Variants in MYOM2 observed in about 807,000 individuals in gnomAD.
The protein encoded by MYOM2 is myomesin-2.
Under a neutral mutation model 187.6 loss-of-function variants are expected in MYOM2, and 254 were observed. The ratio of observed to expected loss-of-function variants is 1.35; its 90% CI spans 1.22 to 1.50. The LOEUF is 1.50. Among genes scored for constraint, MYOM2 ranks in the 40% most tolerant of loss-of-function variants. The pLI is 0.00. For synonymous variants in MYOM2, 981 were observed against 753.8 expected (o/e 1.30, Z -4.94); for missense variants, 2,796 against 1,924.0 (o/e 1.45, Z -8.48).
intron 17 of MYOM2, 73 bp downstream of exon 17, chr8:2,094,164 G>A: frequency 6.4e-7 from 1 of 1,561,756 alleles, no homozygotes; most frequent in Non-Finnish European, 8.7e-7. Flanking sequence ...AAACATTTGT[G>A]ATGCCATTTG....
At chr8:2,120,742 A>G (rs1797425019) in intron 28 of MYOM2, among the ~76,000 whole-genome samples, 1 of 118,948 alleles carries the variant, frequency 8.4e-6, no homozygotes, top group South Asian at 2.6e-4. Flanking sequence ...TGTCTCTTAA[A>G]TCAATACTGT....
chr8:2,080,922 C>T (rs1404825475), intron 13 of MYOM2, among the ~76,000 whole-genome samples: 3 of 131,806 alleles, frequency 2.3e-5, no homozygotes, highest in Non-Finnish European at 3.1e-5. Context: ...TTCTGGCCTG[C>T]GGGAGGAACA....
At chr8:2,137,126 A>G (rs1798105037) in intron 32 of MYOM2, among the ~76,000 whole-genome samples, 1 of 150,302 alleles carries the variant, frequency 6.7e-6, no homozygotes, top group Non-Finnish European at 1.5e-5. Flanking sequence ...TCGTCTATAC[A>G]TCTAGGATGC....
At chr8:2,126,445 A>T (rs1797639679) in intron 31 of MYOM2, among the ~76,000 whole-genome samples, 1 of 151,996 alleles carries the variant, frequency 6.6e-6, no homozygotes, top group African/African-American at 2.4e-5. Context: ...ACTGACACAC[A>T]CCAGTGTACC....
chr8:2,101,696 G>A lies in MYOM2; in HGVS notation c.2619+642G>A, dbSNP rs1401380960. On this transcript the variant is annotated intron_variant, in intron 20 of 36. Coordinates refer to ENST00000262113, the MANE Select transcript of MYOM2 (RefSeq NM_003970.4). ...TGTTAATTGTCTGTTCATGGGCTAT[G>A]TCTGTGTGCTTTCCAAAGGGATGGT... is the stretch of plus-strand genomic sequence containing the variant. Among the ~76,000 whole-genome samples the A allele has an allele frequency of 2.0e-5, 3 of 152,098 alleles. No homozygotes were observed. The East Asian group carries it at 5.8e-4, about 29-fold the overall frequency.
Position 2,079,579 on chromosome 8 carries a change from G to T in MYOM2, c.1482G>T (p.Glu494Asp). Residue 494 changes from glutamate (E) to aspartate (D), a missense_variant, in exon 13 of 37, where the codon GAG becomes GAT. Coordinates refer to ENST00000262113, the MANE Select transcript of MYOM2 (RefSeq NM_003970.4). ...CCGCAGCCGTTCATTTGGAGGGAGA[G>T]AAGGAGATTGCCATTTATCAGGATG... ...RRLQAVHLEG[E>D]KEIAIYQDDL... is the part of the protein sequence containing the mutation. 1.2e-6 allele frequency: 2 copies of T among 1,614,158 alleles called. No homozygotes were observed. The highest frequency in any genetic ancestry group is 4.5e-5 in the East Asian group (2 of 44,862).
chr8:2,100,281 A>T (rs183772071), intron 19 of MYOM2, among the ~76,000 whole-genome samples: 64 of 151,998 alleles, frequency 4.2e-4, no homozygotes, highest in Non-Finnish European at 5.1e-4. Context: ...AGAAGAAAAA[A>T]GTCATTCTAG....
In MYOM2 at chr8:2,109,221, C is replaced by G. The variant is rs184415608; in HGVS notation, c.3044-174C>G. ...ATGTGGCATGAGGCTTTAGAGGCAA[C>G]AACAGGCCAGCTCAAGTTTTATTTT... On this transcript the variant is annotated intron_variant, in intron 24 of 36. Transcript: ENST00000262113. 1.9e-4 allele frequency: 142 copies of G among 765,106 alleles called. No homozygotes were observed. The East Asian group carries it at 4.2e-3, about 23-fold the overall frequency. The allele number at this position is 765,106 out of a possible 1,614,324, so 47.4% of individuals were successfully genotyped here.
chr8:2,100,065 CTTCTTTCCTTCCTTTCTTCT>C (rs1796635773), intron 19 of MYOM2, among the ~76,000 whole-genome samples: 2 of 64,502 alleles, frequency 3.1e-5, no homozygotes, highest in Non-Finnish European at 3.7e-5. Context: ...TCCTTCCTTC[CTTCTTTCCTTCCTTTCTTCT>C]TTCCTTCCTT....
In MYOM2 at chr8:2,116,096, T is replaced by C. The variant is rs1370335908; in HGVS notation, c.3317T>C (p.Ile1106Thr). 3 of 1,607,212 alleles carry C rather than the reference T, an allele frequency of 1.9e-6. No individual in the cohort carries two copies. Among genetic ancestry groups the C allele is most frequent in the African/African-American group, 1.4e-5 (1 of 72,012 alleles). The change falls in exon 26 of 37, where the codon ATT (isoleucine) becomes ACT (threonine). Residue 1106 changes from isoleucine (I) to threonine (T), a missense_variant. Ile to Thr is a moderately conservative substitution (Grantham distance 89). Transcript: ENST00000262113. ...AAAAGTCAGTCTTCTCTAGTTCTTATTGGAGATGGTATGCTATATCGAATA... is the reference window on the plus strand; with the variant it reads ...AAAAGTCAGTCTTCTCTAGTTCTTACTGGAGATGGTATGCTATATCGAATA... Reference protein sequence around the residue: ...KAKSQSSLVLIGDAFKTVLEE... With the variant: ...KAKSQSSLVLTGDAFKTVLEE...
In MYOM2 at chr8:2,109,338, A is replaced by T. The variant is rs375997665; in HGVS notation, c.3044-57A>T. On this transcript the variant is annotated intron_variant, in intron 24 of 36. Coordinates refer to ENST00000262113, the MANE Select transcript of MYOM2 (RefSeq NM_003970.4). ...TGATATTTCCCTACAATTTGCAGGT[A>T]TTCTTCCTCACAAGGATTCATGCAT... The T allele has an allele frequency of 1.4e-5, 22 of 1,518,272 alleles. 1 individual carries two copies. The highest frequency in any genetic ancestry group is 7.7e-5 in the South Asian group (6 of 77,884). The allele number at this position is 1,518,272 out of a possible 1,614,324, so 94.1% of individuals were successfully genotyped here. A position where few individuals can be genotyped will look rare whatever the true frequency, so the allele number is the denominator to read the frequency against.
At chr8:2,092,649 C>T in intron 16 of MYOM2, 129 bp downstream of exon 16, 1 of 893,616 alleles carries the variant, frequency 1.1e-6, no homozygotes, top group Non-Finnish European at 1.6e-6. Flanking sequence ...GTCTTAGCCA[C>T]ACACAAGGGC....
intron 32 of MYOM2, among the ~76,000 whole-genome samples, chr8:2,130,702 A>C (rs888831550): frequency 4.6e-5 from 7 of 152,174 alleles, no homozygotes; most frequent in African/African-American, 1.7e-4. Flanking sequence ...TTCAAACTCA[A>C]ATGGAGTCAC....
Position 2,057,897 on chromosome 8 carries a change from C to T in MYOM2, c.560+117C>T, listed in dbSNP as rs140178155. The T allele has an allele frequency of 1.5e-3, 1,552 of 1,022,072 alleles. 18 individuals carry two copies. In the African/African-American group the frequency reaches 0.023, roughly 15 times the overall value. 63.3% of individuals were successfully genotyped at this position (1,022,072 alleles called of 1,614,324 possible). A position where few individuals can be genotyped will look rare whatever the true frequency, so the allele number is the denominator to read the frequency against. The stretch of plus-strand genomic sequence containing the variant: ...GTGCTGGAGGCCACTTACCTTGAAA[C>T]TCTAAGCAGAAATATGTTTATAGAA... On this transcript the variant is annotated intron_variant, in intron 5 of 36. Transcript: ENST00000262113.
chr8:2,105,527 A>T (rs1276233019), intron 21 of MYOM2, among the ~76,000 whole-genome samples: 1 of 152,184 alleles, frequency 6.6e-6, no homozygotes, highest in Non-Finnish European at 1.5e-5. Context: ...GGGGAGCTTC[A>T]TGGTGGGCAC....
rs192557221 is a variant in MYOM2 at position 2,094,451 on chromosome 8, A to T, written c.2125+360A>T. On this transcript the variant is annotated intron_variant, in intron 17 of 36. Coordinates refer to ENST00000262113, the MANE Select transcript of MYOM2 (RefSeq NM_003970.4). ...GCTGGATCATGAGGTCAAGAGATTG[A>T]GACCATCCTGGCCAACAAGGTGAAA... Among the ~76,000 whole-genome samples the T allele has an allele frequency of 7.5e-4, 114 of 152,318 alleles. 2 individuals carry two copies. The East Asian group carries it at 0.021, about 28-fold the overall frequency.
chr8:2,100,888 A>T lies in MYOM2; in HGVS notation c.2453A>T (p.Asp818Val). The T allele has an allele frequency of 6.2e-7, 1 of 1,614,068 alleles. No homozygotes were observed. Reference protein sequence around the residue: ...WTMPEPGPAYDLTFCEVRDTS... With the variant: ...WTMPEPGPAYVLTFCEVRDTS... ...TCTGACTTCACAGGTCCTGCCTACG[A>T]CTTGACGTTCTGTGAGGTCAGGGAC... Residue 818 changes from aspartate to valine, a missense_variant, in exon 20 of 37, where the codon GAC (aspartate) becomes GTC (valine). By Grantham distance (152) the Asp-to-Val change is radical (BLOSUM62 -3). Transcript: ENST00000262113.
intron 32 of MYOM2, among the ~76,000 whole-genome samples, chr8:2,133,740 T>G (rs145831492): frequency 6.6e-6 from 1 of 152,084 alleles, no homozygotes; most frequent in African/African-American, 2.4e-5. Context: ...GGATTACAGG[T>G]GTGAGCCACA....
At chr8:2,128,790 C>G (rs978612618) in intron 31 of MYOM2, among the ~76,000 whole-genome samples, 1 of 152,188 alleles carries the variant, frequency 6.6e-6, no homozygotes, top group Non-Finnish European at 1.5e-5. Flanking sequence ...TTGGGGTTAA[C>G]TCACGTAGCA....
Sources: gnomAD v4.1 joint callset for allele counts (sites outside exome capture counted in the v4.1 genomes callset) on GRCh38, gnomAD v4.1.1 for gene constraint, MANE v1.5 for transcripts, NCBI Gene and HGNC (gene_info 2026-07-23, HGNC 2026-07-21) for gene names.